The following AJUBA variants were observed in gnomAD, a reference collection of about 807,000 sequenced individuals.
The protein encoded by AJUBA is ajuba LIM protein, also known as LIM domain-containing protein ajuba.
A neutral mutation model predicts 53.3 loss-of-function variants in AJUBA; 20 were observed. The observed-to-expected ratio is 0.38, with a 90% CI of 0.26 to 0.55. The LOEUF is 0.55. AJUBA is among the 20% of genes least tolerant of loss of function. The probability of loss-of-function intolerance (pLI) is 0.80; values close to 1 mark genes in which losing one functional copy is unlikely to be tolerated. For synonymous variants in AJUBA, 296 were observed against 306.2 expected, an observed-to-expected ratio of 0.97 and a Z score of 0.35; for missense variants, 580 against 730.5, an observed-to-expected ratio of 0.79 and a Z score of 2.38.
At position 22,981,315 on chromosome 14, in the gene AJUBA, G is replaced by C; in HGVS notation, c.952C>G (p.Pro318Ala). Residue 318 changes from proline to alanine, a missense_variant, in exon 1 of 8, where the codon CCG becomes GCG. Around this residue, in one of 2 missense-constraint regions of AJUBA, gnomAD observed 430 missense variants for 471.5 expected, o/e 0.91. Transcript: ENST00000262713. ...GLEEPPGPFVPEAARARMREP... is the reference protein window; with the variant it reads ...GLEEPPGPFVAEAARARMREP... ...CGCATCCGGGCCCGGGCGGCCTCCG[G>C]AACGAAAGGACCTGGTGGCTCCTCC... is the stretch of plus-strand genomic sequence containing the variant. 6.2e-7 allele frequency: 1 copy of C among 1,612,008 alleles called. No individual in the cohort carries two copies. Among genetic ancestry groups the C allele is most frequent in the East Asian group, 2.2e-5 (1 of 44,792 alleles).
At position 22,979,100 on chromosome 14, in the gene AJUBA, C is replaced by G. The variant is rs991690155; in HGVS notation, c.1007-655G>C. 1.6e-6 allele frequency: 2 copies of G among 1,281,270 alleles called. No homozygotes were observed. The highest frequency in any genetic ancestry group is 2.0e-6 in the Non-Finnish European group (2 of 985,096). 79.4% of individuals were successfully genotyped at this position (1,281,270 alleles called of 1,614,324 possible). On this transcript the variant is annotated intron_variant, in intron 1 of 7. Coordinates refer to ENST00000262713, the MANE Select transcript of AJUBA (RefSeq NM_032876.6). This position sits in a 1 kb window ranked among gnomAD's most constrained non-coding sequence, Gnocchi z 4.0. Reference sequence around the variant, plus strand: ...CAGGAACCAGGGTTGAACAGGAAAGCAGGGAGAGTAGCAGAGCCCCTGATG... The same window carrying G: ...CAGGAACCAGGGTTGAACAGGAAAGGAGGGAGAGTAGCAGAGCCCCTGATG...
rs748054763 is a variant in AJUBA at position 22,978,399 on chromosome 14, G to A, written c.1053C>T (p.Ala351=). The A allele has an allele frequency of 5.6e-6, 9 of 1,613,828 alleles. No individual in the cohort carries two copies. The East Asian group carries it at 1.8e-4, about 32-fold the overall frequency. Residue 351 remains alanine, a synonymous_variant, in exon 2 of 8, where the codon GCC becomes GCT. Transcript: ENST00000262713. ...CNKGIYGQSN[A]CQALDSLYHT... ...GGTAGAGGCTGTCCAGGGCCTGGCA[G>A]GCATTGCTCTGCCCATAGATGCCTT...
Position 22,972,226 on chromosome 14 carries a change from A to G in AJUBA, c.*1217T>C, listed in dbSNP as rs1012409173. On this transcript the variant is annotated 3_prime_UTR_variant, in exon 8 of 8. Transcript: ENST00000262713. ...GTTTTGCTCCCTCCAGTTCCCCCCA[A>G]CTCTAGTTTTGGGATTGTGATGGAT... The G allele has an allele frequency of 6.6e-6, 1 of 152,106 alleles. No homozygotes were observed. The highest frequency in any genetic ancestry group is 2.1e-4 in the South Asian group (1 of 4,818). 9.4% of individuals were successfully genotyped at this position (152,106 alleles called of 1,614,324 possible).
rs1224901212 is a variant in AJUBA, at chr14:22,978,405, G to A, written c.1047C>T (p.Ser349=). 6.2e-7 allele frequency: 1 copy of A among 1,613,916 alleles called. No individual in the cohort carries two copies. Among genetic ancestry groups the A allele is most frequent in the South Asian group, 1.1e-5 (1 of 91,080 alleles). The change falls in exon 2 of 8, where the codon AGC becomes AGT. Residue 349 remains serine, a synonymous_variant. Coordinates refer to ENST00000262713, the MANE Select transcript of AJUBA (RefSeq NM_032876.6). ...GGCTGTCCAGGGCCTGGCAGGCATT[G>A]CTCTGCCCATAGATGCCTTTGTTGC... ...IKCNKGIYGQ[S]NACQALDSLY... is the part of the protein sequence containing the mutation.
chr14:22,973,898 C>CA (rs2045009067), intron 7 of AJUBA, 149 bp downstream of exon 7: 8 of 973,630 alleles, frequency 8.2e-6, no homozygotes, highest in Admixed American at 1.9e-5. Context: ...GGCTGGAGGA[C>CA]AAAAAAGAGA....
chr14:22,977,262 G>A, intron 2 of AJUBA: 1 of 957,496 alleles, frequency 1.0e-6, no homozygotes, highest in Non-Finnish European at 1.2e-6. Flanking sequence ...AAGCAAAGCA[G>A]GTCCCCTCTC....
At position 22,974,108 on chromosome 14, in the gene AJUBA, T is replaced by C; in HGVS notation, c.1430A>G (p.Glu477Gly). The change falls in exon 7 of 8, where the codon GAG becomes GGG. Residue 477 changes from glutamate to glycine, a missense_variant. Glu to Gly is a moderately conservative substitution (Grantham distance 98, BLOSUM62 -2). This residue lies in a region of AJUBA where 150 missense variants were observed against 259.0 expected (regional missense o/e 0.58). Transcript: ENST00000262713. ...GQPILPSEGC[E>G]DIVRVISMDR... The stretch of plus-strand genomic sequence containing the variant: ...CATGGATATCACCCTCACGATGTCC[T>C]CACAGCCCTGAAACATGCAGACCCC... 6.2e-7 allele frequency: 1 copy of C among 1,614,106 alleles called. No homozygotes were observed. The highest frequency in any genetic ancestry group is 8.5e-7 in the Non-Finnish European group (1 of 1,180,000).
chr14:22,971,857 T>A lies in AJUBA; in HGVS notation c.*1586A>T, dbSNP rs2044986135. Reference sequence around the variant, plus strand: ...TTATTGCTAGAAACTTTAAACTTTTTAAAAAAGTTTTTGAATGGTAGATAA... The same window carrying A: ...TTATTGCTAGAAACTTTAAACTTTTAAAAAAAGTTTTTGAATGGTAGATAA... On this transcript the variant is annotated 3_prime_UTR_variant, in exon 8 of 8. Coordinates refer to ENST00000262713, the MANE Select transcript of AJUBA (RefSeq NM_032876.6). 6.6e-6 allele frequency: 1 copy of A among 152,522 alleles called. No individual in the cohort carries two copies. Among genetic ancestry groups the A allele is most frequent in the Non-Finnish European group, 1.5e-5 (1 of 68,050 alleles). The allele number at this position is 152,522 out of a possible 1,614,324, so 9.4% of individuals were successfully genotyped here.
chr14:22,973,764 G>A (rs1315647259), intron 7 of AJUBA, among the ~76,000 whole-genome samples, 196 bp from the exon 8 acceptor site: 1 of 152,170 alleles, frequency 6.6e-6, no homozygotes, highest in African/African-American at 2.4e-5. Flanking sequence ...TGTCACTGCT[G>A]CAGCAGAAAT....
chr14:22,973,411 T>G lies in AJUBA; in HGVS notation c.*32A>C. The G allele has an allele frequency of 6.3e-7, 1 of 1,587,306 alleles. No individual in the cohort carries two copies. The highest frequency in any genetic ancestry group is 8.6e-7 in the Non-Finnish European group (1 of 1,166,812). On this transcript the variant is annotated 3_prime_UTR_variant, in exon 8 of 8. Transcript: ENST00000262713. ...GGCCCACTGGCCACAGCAGTTTGTCTGCAGGGTGACAGCAGCAGCAGTGAT... is the reference window on the plus strand; with the variant it reads ...GGCCCACTGGCCACAGCAGTTTGTCGGCAGGGTGACAGCAGCAGCAGTGAT...
chr14:22,973,571 AGGGAAGAAGGC>A lies in AJUBA; in HGVS notation c.1492-14_1492-4del. 1 of 1,614,108 alleles carries A rather than the reference AGGGAAGAAGGC, an allele frequency of 6.2e-7. No individual in the cohort carries two copies. Among genetic ancestry groups the A allele is most frequent in the Non-Finnish European group, 8.5e-7 (1 of 1,179,982 alleles). ...TCACTCAGCTGCATCCGGCAGTCCT[AGGGAAGAAGGC>A]ACCTAGTTCACCTCAGCCTAGGCAC... On this transcript the variant is annotated splice_polypyrimidine_tract_variant and splice_region_variant and intron_variant, in intron 7 of 7. Transcript: ENST00000262713.
At position 22,981,884 on chromosome 14, in the gene AJUBA, G is replaced by A. The variant is rs1200275079; in HGVS notation, c.383C>T (p.Ser128Leu). ...GGACGGCTTGCTCGCGTCGCTGGCC[G>A]AGCTACTGGCGAAGCTAGAGCGGGG... The part of the protein sequence containing the change: ...LSPRSSFASS[S>L]ASDASKPSSP... Residue 128 changes from serine (S) to leucine (L), a missense_variant, in exon 1 of 8, where the codon TCG becomes TTG. Coordinates refer to ENST00000262713, the MANE Select transcript of AJUBA (RefSeq NM_032876.6). 1.9e-6 allele frequency: 3 copies of A among 1,540,668 alleles called. No individual in the cohort carries two copies. The highest frequency in any genetic ancestry group is 2.6e-6 in the Non-Finnish European group (3 of 1,148,824).
chr14:22,976,124 CTT>C (rs1222621015), intron 4 of AJUBA, among the ~76,000 whole-genome samples: 2 of 133,290 alleles, frequency 1.5e-5, no homozygotes, highest in Non-Finnish European at 3.1e-5. Flanking sequence ...GATCATTCCA[CTT>C]TGTCAGAGCG....
In AJUBA at chr14:22,982,533, C is replaced by G; in HGVS notation, c.-267G>C. 3.8e-6 allele frequency: 5 copies of G among 1,326,504 alleles called. No homozygotes were observed. The highest frequency in any genetic ancestry group is 4.8e-6 in the Non-Finnish European group (5 of 1,039,662). The allele number at this position is 1,326,504 out of a possible 1,614,324, so 82.2% of individuals were successfully genotyped here. On this transcript the variant is annotated 5_prime_UTR_variant, in exon 1 of 8. Coordinates refer to ENST00000262713, the MANE Select transcript of AJUBA (RefSeq NM_032876.6). ...TCCAGTCCGCAGGTCTATCTGTTCACGCGTCGACTCGCCCGACTGCCCCAC... is the reference window on the plus strand; with the variant it reads ...TCCAGTCCGCAGGTCTATCTGTTCAGGCGTCGACTCGCCCGACTGCCCCAC...
Position 22,976,570 on chromosome 14 carries a change from G to A in AJUBA, c.1177-52C>T, listed in dbSNP as rs990610710. ...GGCTGTTATCAAACTGAGAATGATG[G>A]GTGGTACTCCAATGGGCCACCAAGA... On this transcript the variant is annotated intron_variant, in intron 3 of 7. Coordinates refer to ENST00000262713, the MANE Select transcript of AJUBA (RefSeq NM_032876.6). The A allele has an allele frequency of 1.9e-6, 3 of 1,612,064 alleles. No homozygotes were observed. In the African/African-American group the frequency reaches 4.0e-5, roughly 22 times the overall value.
intron 1 of AJUBA, chr14:22,980,489 T>C (rs2139356568): frequency 4.9e-6 from 3 of 615,996 alleles, no homozygotes; most frequent in South Asian, 1.4e-4. Flanking sequence ...AGGGTCGTTA[T>C]CCATCCAGAG....
intron 1 of AJUBA, chr14:22,980,731 C>G (rs569754420): frequency 1.0e-6 from 1 of 970,806 alleles, no homozygotes; most frequent in African/African-American, 1.8e-5. Context: ...ATCCCCGAAC[C>G]CCACCCCTCC....
intron 4 of AJUBA, 79 bp from the exon 5 acceptor site, chr14:22,975,183 C>A: frequency 1.9e-6 from 3 of 1,540,548 alleles, no homozygotes; most frequent in Non-Finnish European, 2.6e-6. Context: ...CTTATTACTC[C>A]CATTAACCTC....
At chr14:22,978,534 G>T in intron 1 of AJUBA, 89 bp from the exon 2 acceptor site, 1 of 1,537,238 alleles carries the variant, frequency 6.5e-7, no homozygotes, top group Non-Finnish European at 8.8e-7. Flanking sequence ...TGATGTGCCA[G>T]GGGTCACAGT....
Sources: allele counts gnomAD v4.1 joint callset (sites outside exome capture counted in the v4.1 genomes callset), GRCh38; gene constraint gnomAD v4.1.1; regional missense constraint gnomAD v4.1.1; non-coding constraint Gnocchi (gnomAD v3.1); transcripts MANE v1.5; gene names NCBI Gene and HGNC (gene_info 2026-07-23, HGNC 2026-07-21).